The following PARVB variants were observed in gnomAD, a reference collection of about 807,000 sequenced individuals.
PARVB encodes parvin beta, also known as beta-parvin.
In PARVB, 46 loss-of-function variants were observed where a neutral mutation model predicts 47.0. That is an observed-to-expected ratio of 0.98 (90% CI 0.77 to 1.25). PARVB has a LOEUF of 1.25. Among genes scored for constraint, PARVB ranks in the 50% most tolerant of loss-of-function variants. PARVB has a pLI of 0.00. For missense variants in PARVB, 473 were observed against 471.6 expected (o/e 1.00, Z -0.03); for synonymous variants, 196 against 196.3 (o/e 1.00, Z 0.01).
intron 4 of PARVB, among the ~76,000 whole-genome samples, chr22:44,123,870 C>T (rs1029056964): frequency 6.6e-6 from 1 of 152,250 alleles, no homozygotes; most frequent in Non-Finnish European, 1.5e-5. Flanking sequence ...GGGAACCATG[C>T]AAGCTGCCTG....
chr22:44,076,990 C>T (rs1020019027), intron 1 of PARVB, among the ~76,000 whole-genome samples: 2 of 152,138 alleles, frequency 1.3e-5, no homozygotes, highest in African/African-American at 4.8e-5. Context: ...GCCTGGGTCC[C>T]CCTTTGGTTG....
At chr22:44,054,972 A>G (rs1306601777) in intron 1 of PARVB, among the ~76,000 whole-genome samples, 2 of 140,476 alleles carry the variant, frequency 1.4e-5, no homozygotes, top group East Asian at 4.3e-4. Flanking sequence ...CCTGGGCGAC[A>G]AGAGTGAAAC....
At chr22:44,128,809 G>A (rs778070937) in intron 4 of PARVB, among the ~76,000 whole-genome samples, 29 of 152,172 alleles carry the variant, frequency 1.9e-4, no homozygotes, top group Non-Finnish European at 3.7e-4. Flanking sequence ...TGGGTGTGAT[G>A]GCTCACACCT....
At chr22:44,002,452 C>T (rs547827384) in intron 2 of PARVB, among the ~76,000 whole-genome samples, 17 of 152,274 alleles carry the variant, frequency 1.1e-4, no homozygotes, top group Admixed American at 9.2e-4. Flanking sequence ...CTATCAGTAT[C>T]GAGAGAAACA....
intron 1 of PARVB, among the ~76,000 whole-genome samples, chr22:44,035,175 G>T (rs974330363): frequency 2.0e-5 from 3 of 152,096 alleles, no homozygotes; most frequent in African/African-American, 7.2e-5. Context: ...ATGTTATTAG[G>T]AAAATCATAA....
At chr22:44,139,947 A>G in intron 7 of PARVB, 177 bp from the exon 8 acceptor site, 1 of 657,254 alleles carries the variant, frequency 1.5e-6, no homozygotes, top group Non-Finnish European at 2.8e-6. Context: ...CTCGTTTATA[A>G]TTAGAGCAGG....
chr22:44,121,734 T>G (rs2053052782), intron 4 of PARVB, among the ~76,000 whole-genome samples: 2 of 152,240 alleles, frequency 1.3e-5, no homozygotes, highest in South Asian at 4.1e-4. Flanking sequence ...AAATATATAG[T>G]TTTTTAAAAA....
chr22:44,016,541 A>G (rs1407719248), intron 2 of PARVB, among the ~76,000 whole-genome samples: 1 of 152,182 alleles, frequency 6.6e-6, no homozygotes, highest in Non-Finnish European at 1.5e-5. Context: ...CATCCTATCC[A>G]AGTGTAAACA....
At chr22:44,050,779 G>A (rs1379811611) in intron 1 of PARVB, among the ~76,000 whole-genome samples, 14 of 152,152 alleles carry the variant, frequency 9.2e-5, no homozygotes. Context: ...TGAACACTGT[G>A]CTGATGGCAA....
At chr22:44,060,975 T>C (rs558143087) in intron 1 of PARVB, among the ~76,000 whole-genome samples, 1 of 152,210 alleles carries the variant, frequency 6.6e-6, no homozygotes, top group South Asian at 2.1e-4. Flanking sequence ...ATTTAAAATG[T>C]ATTGTTGATT....
chr22:44,012,989 C>T (rs568523641), intron 2 of PARVB, among the ~76,000 whole-genome samples: 8 of 151,964 alleles, frequency 5.3e-5, no homozygotes, highest in East Asian at 1.9e-4. Context: ...CTCCACCTCC[C>T]GGGTTCAGGC....
intron 3 of PARVB, among the ~76,000 whole-genome samples, chr22:44,116,607 A>C (rs2052909742): frequency 6.6e-6 from 1 of 152,236 alleles, no homozygotes; most frequent in South Asian, 2.1e-4. Flanking sequence ...TGCTGCGGAC[A>C]GAGCCACAGA....
intron 3 of PARVB, chr22:44,109,209 C>G (rs766942115): frequency 2.0e-5 from 3 of 152,332 alleles, no homozygotes; most frequent in Non-Finnish European, 4.4e-5. Flanking sequence ...GGCCGTGTCT[C>G]CTCCTGCCTG....
At chr22:44,025,400 A>G (rs2048141914) in intron 1 of PARVB, among the ~76,000 whole-genome samples, 1 of 151,772 alleles carries the variant, frequency 6.6e-6, no homozygotes, top group African/African-American at 2.4e-5. Context: ...ATTCCTAGGG[A>G]TGTGTGTGCC....
intron 4 of PARVB, among the ~76,000 whole-genome samples, chr22:44,121,048 G>A (rs1339181847): frequency 1.3e-5 from 2 of 152,070 alleles, no homozygotes; most frequent in East Asian, 3.9e-4. Context: ...TCACCATGTT[G>A]GCCAGGATGG....
At position 44,071,503 on chromosome 22, in the gene PARVB, T is replaced by G. The variant is rs142154079; in HGVS notation, c.113-22425T>G. On this transcript the variant is annotated intron_variant, in intron 1 of 12. Coordinates refer to ENST00000338758, the MANE Select transcript of PARVB (RefSeq NM_013327.5). The stretch of plus-strand genomic sequence containing the variant: ...TCTTTTAGAAAAGGGGTCCCCAGGC[T>G]CTGAATGCTTGAGGACCTCATTGGG... 2.0e-3 allele frequency among the ~76,000 whole-genome samples: 300 copies of G among 152,254 alleles called. 1 individual carries two copies. Among genetic ancestry groups the G allele is most frequent in the African/African-American group, 6.9e-3 (286 of 41,550 alleles).
At chr22:44,029,509 G>C (rs746176770) in intron 1 of PARVB, among the ~76,000 whole-genome samples, 8 of 152,248 alleles carry the variant, frequency 5.3e-5, no homozygotes, top group Admixed American at 3.3e-4. Flanking sequence ...AAATCACTAG[G>C]CCAGACACAT....
chr22:44,011,190 TCTC>T (rs1229128702), intron 2 of PARVB, among the ~76,000 whole-genome samples: 8 of 152,094 alleles, frequency 5.3e-5, no homozygotes, highest in Non-Finnish European at 1.0e-4. Context: ...CCCAGGTTGT[TCTC>T]GAACTCCAGG....
At chr22:44,095,354 CA>C (rs1229389390) in intron 2 of PARVB, among the ~76,000 whole-genome samples, 3 of 151,988 alleles carry the variant, frequency 2.0e-5, no homozygotes, top group Non-Finnish European at 4.4e-5. Flanking sequence ...CCTAAGAATA[CA>C]AAAATTAGCC....
Sources: gnomAD v4.1 joint callset for allele counts (sites outside exome capture counted in the v4.1 genomes callset) on GRCh38, gnomAD v4.1.1 for gene constraint, MANE v1.5 for transcripts, NCBI Gene and HGNC (gene_info 2026-07-23, HGNC 2026-07-21) for gene names.